The following SHROOM3 variants were observed in gnomAD, a reference collection of about 807,000 sequenced individuals.
SHROOM3 encodes shroom family member 3.
A neutral mutation model predicts 138.6 loss-of-function variants in SHROOM3; 47 were observed. That is an observed-to-expected ratio of 0.34 (90% confidence interval 0.27 to 0.43). The LOEUF is 0.43. SHROOM3 is among the 20% of genes least tolerant of loss of function. SHROOM3 has a pLI of 1.00. For missense variants in SHROOM3, 2,491 were observed against 2,596.5 expected, an observed-to-expected ratio of 0.96 and a Z score of 0.88; for synonymous variants, 1,062 against 1,063.3, an observed-to-expected ratio of 1.00 and a Z score of 0.02.
At chr4:76,752,180 G>T (rs1405819314) in intron 6 of SHROOM3, among the ~76,000 whole-genome samples, 1 of 152,210 alleles carries the variant, frequency 6.6e-6, no homozygotes, top group African/African-American at 2.4e-5. Context: ...GACATTACGT[G>T]AAGTGAAATA....
chr4:76,544,586 A>G (rs1045545900), intron 1 of SHROOM3, among the ~76,000 whole-genome samples: 1 of 151,690 alleles, frequency 6.6e-6, no homozygotes, highest in Non-Finnish European at 1.5e-5. Flanking sequence ...TAGTAAAGAT[A>G]GGGTTTCGCC....
intron 10 of SHROOM3, among the ~76,000 whole-genome samples, 164 bp downstream of exon 10, chr4:76,771,062 T>C (rs1327870555): frequency 6.6e-6 from 1 of 152,142 alleles, no homozygotes; most frequent in African/African-American, 2.4e-5. Flanking sequence ...GAAGGCATTT[T>C]CTGTGTTGAG....
At chr4:76,731,048 T>C in intron 4 of SHROOM3, 113 bp downstream of exon 4, 3 of 1,414,096 alleles carry the variant, frequency 2.1e-6, no homozygotes, top group Admixed American at 3.4e-5. Flanking sequence ...TCACACTAAA[T>C]ATTAAATCTC....
chr4:76,504,346 A>G (rs1163497629), intron 1 of SHROOM3, among the ~76,000 whole-genome samples: 1 of 152,022 alleles, frequency 6.6e-6, no homozygotes, highest in Non-Finnish European at 1.5e-5. Context: ...TTTAGTGGAG[A>G]CAGTGTTTTA....
At chr4:76,600,065 T>C (rs1041473971) in intron 2 of SHROOM3, among the ~76,000 whole-genome samples, 2 of 152,182 alleles carry the variant, frequency 1.3e-5, no homozygotes, top group Non-Finnish European at 2.9e-5. Context: ...GGTGGGAAGA[T>C]GGCTTGAGCC....
At chr4:76,501,847 G>A (rs748073230) in intron 1 of SHROOM3, among the ~76,000 whole-genome samples, 6 of 151,986 alleles carry the variant, frequency 3.9e-5, no homozygotes, top group African/African-American at 9.7e-5. Context: ...TTCAGACCTC[G>A]CCCTATGTAT....
chr4:76,522,952 A>G (rs1732597077), intron 1 of SHROOM3, among the ~76,000 whole-genome samples: 1 of 152,208 alleles, frequency 6.6e-6, no homozygotes, highest in Admixed American at 6.5e-5. Flanking sequence ...CTCACTACAT[A>G]TGGCTATACT....
At chr4:76,563,471 T>C (rs571512641) in intron 2 of SHROOM3, among the ~76,000 whole-genome samples, 10 of 152,198 alleles carry the variant, frequency 6.6e-5, no homozygotes, top group African/African-American at 2.4e-4. Flanking sequence ...TGGTGGAAGG[T>C]TGAGCTCCAG....
chr4:76,754,176 G>T (rs937361706), intron 6 of SHROOM3, 135 bp from the exon 7 acceptor site: 7 of 1,116,706 alleles, frequency 6.3e-6, no homozygotes, highest in East Asian at 4.7e-5. Flanking sequence ...AGGGAAGACA[G>T]TGTGCAGTTT....
intron 2 of SHROOM3, among the ~76,000 whole-genome samples, chr4:76,703,822 G>A (rs1719970523): frequency 6.6e-6 from 1 of 152,160 alleles, no homozygotes; most frequent in Non-Finnish European, 1.5e-5. Flanking sequence ...TTCTCCAAAG[G>A]ATTCTGAGGA....
In SHROOM3 at chr4:76,536,690, C is replaced by T. The variant is rs553654104; in HGVS notation, c.169-18919C>T. On this transcript the variant is annotated intron_variant, in intron 1 of 10. Transcript: ENST00000296043. The stretch of plus-strand genomic sequence containing the variant: ...GGAAGTAGCCCCTGGCCTTAGGAGA[C>T]CCTCAAAGTTTAAATGTCCTTTTTC... Among the ~76,000 whole-genome samples, 8 of 152,250 alleles carry T rather than the reference C, an allele frequency of 5.3e-5. No homozygotes were observed. The East Asian group carries it at 1.3e-3, about 26-fold the overall frequency.
chr4:76,596,065 C>T lies in SHROOM3; in HGVS notation c.323+40302C>T, dbSNP rs576402115. On this transcript the variant is annotated intron_variant, in intron 2 of 10. Coordinates refer to ENST00000296043, the MANE Select transcript of SHROOM3 (RefSeq NM_020859.4). ...GTGAGGTCTTTTTTTTCACCTTGCT[C>T]TCTCTGTCTATATACTGTCATGCAC... Among the ~76,000 whole-genome samples the T allele has an allele frequency of 5.3e-5, 8 of 152,204 alleles. No individual in the cohort carries two copies. In the South Asian group the frequency reaches 1.5e-3, roughly 28 times the overall value.
rs759424606 is a variant in SHROOM3 at position 76,759,723 on chromosome 4, C to G, written c.5349+28C>G. The G allele has an allele frequency of 4.4e-6, 7 of 1,604,794 alleles. No homozygotes were observed. The East Asian group carries it at 1.6e-4, about 36-fold the overall frequency. On this transcript the variant is annotated intron_variant, in intron 9 of 10. Coordinates refer to ENST00000296043, the MANE Select transcript of SHROOM3 (RefSeq NM_020859.4). Reference sequence around the variant, plus strand: ...AAATAAAGAATGGGATGCCCTTGTTCAGCTTTCCTCAGAAAAATTGACAAG... The same window carrying G: ...AAATAAAGAATGGGATGCCCTTGTTGAGCTTTCCTCAGAAAAATTGACAAG...
chr4:76,493,747 A>C (rs535477180), intron 1 of SHROOM3, among the ~76,000 whole-genome samples: 42 of 152,298 alleles, frequency 2.8e-4, no homozygotes, highest in African/African-American at 1.0e-3. Flanking sequence ...TTGGGAGGCC[A>C]AGGTGGGCGG....
intron 2 of SHROOM3, among the ~76,000 whole-genome samples, chr4:76,571,315 C>A (rs1733828674): frequency 6.6e-6 from 1 of 152,210 alleles, no homozygotes; most frequent in Non-Finnish European, 1.5e-5. Context: ...TTCAGTTGAG[C>A]TGGTTTTCAG....
intron 1 of SHROOM3, among the ~76,000 whole-genome samples, chr4:76,524,414 G>C (rs909940616): frequency 1.3e-5 from 2 of 152,232 alleles, no homozygotes; most frequent in Non-Finnish European, 2.9e-5. Flanking sequence ...CAGAACCGTG[G>C]AAGACTGACT....
At chr4:76,452,087 C>T (rs1730938371) in intron 1 of SHROOM3, among the ~76,000 whole-genome samples, 1 of 152,200 alleles carries the variant, frequency 6.6e-6, no homozygotes, top group Non-Finnish European at 1.5e-5. Flanking sequence ...GGAGTCATTT[C>T]ATTCCTAACA....
intron 2 of SHROOM3, among the ~76,000 whole-genome samples, chr4:76,658,734 T>A (rs1736120585): frequency 6.6e-6 from 1 of 152,038 alleles, no homozygotes; most frequent in South Asian, 2.1e-4. Context: ...ATCCAACTAG[T>A]AACTAACATA....
chr4:76,684,502 T>G (rs781455001), intron 2 of SHROOM3, among the ~76,000 whole-genome samples: 1 of 152,274 alleles, frequency 6.6e-6, no homozygotes, highest in Non-Finnish European at 1.5e-5. Flanking sequence ...TAACATACTT[T>G]GGTAGCATAG....
Sources: gnomAD v4.1 joint callset for allele counts (sites outside exome capture counted in the v4.1 genomes callset) on GRCh38, gnomAD v4.1.1 for gene constraint, MANE v1.5 for transcripts, NCBI Gene and HGNC (gene_info 2026-07-23, HGNC 2026-07-21) for gene names.